Variants in LRP1B observed in about 807,000 individuals in gnomAD.
The protein encoded by LRP1B is LDL receptor related protein 1B.
Under a neutral mutation model 556.6 loss-of-function variants are expected in LRP1B, and 217 were observed. The ratio of observed to expected loss-of-function variants is 0.39; its 90% CI spans 0.35 to 0.44. LRP1B has a LOEUF of 0.44. Among genes scored for constraint, LRP1B ranks in the 20% least tolerant of loss-of-function variants. The pLI is 1.00. For synonymous variants in LRP1B, 2,047 were observed against 1,865.8 expected (o/e 1.10, Z -2.50); for missense variants, 5,053 against 5,620.8 (o/e 0.90, Z 3.23).
chr2:141,045,478 G>C (rs1312562948), intron 11 of LRP1B, among the ~76,000 whole-genome samples: 3 of 151,482 alleles, frequency 2.0e-5, no homozygotes, highest in African/African-American at 7.3e-5. Flanking sequence ...CATCTATCTT[G>C]TTCTGTTAGA....
At chr2:141,873,850 T>C (rs1412610916) in intron 1 of LRP1B, among the ~76,000 whole-genome samples, 2 of 151,874 alleles carry the variant, frequency 1.3e-5, no homozygotes, top group Admixed American at 1.3e-4. Context: ...CACTTTTTTA[T>C]GTAAAATATA....
At chr2:140,361,801 G>C (rs559476632) in intron 72 of LRP1B, among the ~76,000 whole-genome samples, 2 of 151,300 alleles carry the variant, frequency 1.3e-5, no homozygotes, top group Non-Finnish European at 3.0e-5. Flanking sequence ...ATTTTATGCT[G>C]GTTGTTGAAT....
intron 41 of LRP1B, among the ~76,000 whole-genome samples, chr2:140,632,275 TG>T (rs1257189980): frequency 1.3e-5 from 2 of 152,124 alleles, no homozygotes; most frequent in East Asian, 3.9e-4. Context: ...CTCTGATAGC[TG>T]TTTTTTTAAA....
At chr2:141,414,552 C>A (rs1691014781) in intron 3 of LRP1B, among the ~76,000 whole-genome samples, 2 of 152,152 alleles carry the variant, frequency 1.3e-5, no homozygotes, top group South Asian at 4.1e-4. Flanking sequence ...GCATCCTCTC[C>A]AACAGCCCTT....
At chr2:140,534,846 G>A (rs370295268) in intron 46 of LRP1B, among the ~76,000 whole-genome samples, 1 of 152,130 alleles carries the variant, frequency 6.6e-6, no homozygotes, top group Non-Finnish European at 1.5e-5. Context: ...TACCATAAGA[G>A]CTAGTTGTTT....
intron 41 of LRP1B, among the ~76,000 whole-genome samples, chr2:140,688,012 T>A (rs1299676613): frequency 6.6e-6 from 1 of 152,126 alleles, no homozygotes; most frequent in Non-Finnish European, 1.5e-5. Context: ...AAAGTTATAA[T>A]ATGTACACTG....
intron 1 of LRP1B, among the ~76,000 whole-genome samples, chr2:141,942,865 A>G (rs544725398): frequency 1.3e-5 from 2 of 152,176 alleles, no homozygotes; most frequent in Non-Finnish European, 2.9e-5. Context: ...TATGAGGGGA[A>G]CACCTTTCAT....
intron 60 of LRP1B, among the ~76,000 whole-genome samples, chr2:140,472,635 ACTTTAAGT>A (rs1322724184): frequency 6.6e-6 from 1 of 152,082 alleles, no homozygotes; most frequent in African/African-American, 2.4e-5. Flanking sequence ...GATAATCTGA[ACTTTAAGT>A]CACAGAATTT....
At chr2:142,073,232 T>G (rs1705386866) in intron 1 of LRP1B, among the ~76,000 whole-genome samples, 1 of 152,022 alleles carries the variant, frequency 6.6e-6, no homozygotes, top group Non-Finnish European at 1.5e-5. Flanking sequence ...GAATATGAGG[T>G]ATAATCTCCT....
chr2:141,287,233 G>A (rs973126581), intron 3 of LRP1B, among the ~76,000 whole-genome samples: 8 of 151,768 alleles, frequency 5.3e-5, no homozygotes, highest in African/African-American at 1.9e-4. Context: ...TTCTCATTCT[G>A]CCATTCTCAT....
At chr2:141,497,606 C>T (rs1262632156) in intron 2 of LRP1B, among the ~76,000 whole-genome samples, 1 of 151,902 alleles carries the variant, frequency 6.6e-6, no homozygotes, top group Admixed American at 6.6e-5. Flanking sequence ...AGCAAATAAG[C>T]ACTGCAGGAT....
In LRP1B at chr2:140,315,564, A is replaced by C. The variant is rs868806419; in HGVS notation, c.12641-465T>G. ...AGTAGCTGGGACTATATTGTGCACC[A>C]CCACACGTGGCCAATTTTTAAATTT... On this transcript the variant is annotated intron_variant, in intron 82 of 90. Coordinates refer to ENST00000389484, the MANE Select transcript of LRP1B (RefSeq NM_018557.3). 6.6e-5 allele frequency among the ~76,000 whole-genome samples: 10 copies of C among 152,152 alleles called. 3 individuals carry two copies. In the Middle Eastern group the frequency reaches 0.031, roughly 466 times the overall value.
intron 66 of LRP1B, among the ~76,000 whole-genome samples, chr2:140,415,983 T>C (rs1685181759): frequency 1.3e-5 from 2 of 152,190 alleles, no homozygotes; most frequent in African/African-American, 2.4e-5. Flanking sequence ...CAAGGCTGAA[T>C]TGGTCTCCTA....
chr2:141,265,321 C>T (rs188821798), intron 3 of LRP1B, among the ~76,000 whole-genome samples: 1 of 152,216 alleles, frequency 6.6e-6, no homozygotes, highest in East Asian at 1.9e-4. Flanking sequence ...AGGATTCCAT[C>T]AGGAAGCAAC....
chr2:141,245,242 C>T (rs1684023338), intron 5 of LRP1B, among the ~76,000 whole-genome samples: 2 of 152,154 alleles, frequency 1.3e-5, no homozygotes, highest in African/African-American at 4.8e-5. Flanking sequence ...TCAAATAGGA[C>T]TTCATAAATC....
At chr2:140,623,630 T>C (rs900749727) in intron 41 of LRP1B, among the ~76,000 whole-genome samples, 1 of 151,994 alleles carries the variant, frequency 6.6e-6, no homozygotes, top group African/African-American at 2.4e-5. Flanking sequence ...TAAAAAATAT[T>C]TTTGCTGGCC....
At chr2:141,255,267 C>T (rs1432400695) in intron 3 of LRP1B, among the ~76,000 whole-genome samples, 1 of 151,860 alleles carries the variant, frequency 6.6e-6, no homozygotes, top group African/African-American at 2.4e-5. Flanking sequence ...CAAACAATCG[C>T]TAACAGAAAT....
chr2:140,668,568 G>C (rs147410018), intron 41 of LRP1B, among the ~76,000 whole-genome samples: 297 of 152,052 alleles, frequency 2.0e-3, no homozygotes, highest in African/African-American at 6.9e-3. Flanking sequence ...AAACTGTTTG[G>C]TCTTCTGGAC....
At chr2:141,270,413 A>ATATCCAATGCC (rs879839054) in intron 3 of LRP1B, among the ~76,000 whole-genome samples, 236 of 152,216 alleles carry the variant, frequency 1.6e-3, no homozygotes, top group Middle Eastern at 6.8e-3. Context: ...ATGATATGAT[A>ATATCCAATGCC]CACTATTCCA....
Sources: gnomAD v4.1 joint callset for allele counts (sites outside exome capture counted in the v4.1 genomes callset) on GRCh38, gnomAD v4.1.1 for gene constraint, MANE v1.5 for transcripts, NCBI Gene and HGNC (gene_info 2026-07-23, HGNC 2026-07-21) for gene names.